The following ADAMTSL1 variants were observed in gnomAD, a reference collection of about 807,000 sequenced individuals.
ADAMTSL1 encodes ADAMTS like 1.
In ADAMTSL1, 126 loss-of-function variants were observed where a neutral mutation model predicts 201.8. The ratio of observed to expected loss-of-function variants is 0.62; its 90% CI spans 0.54 to 0.72. The LOEUF (loss-of-function observed/expected upper bound fraction) is 0.72, where lower values mean the gene tolerates loss of function less well. Among genes scored for constraint, ADAMTSL1 ranks in the 30% least tolerant of loss-of-function variants. The pLI is 0.00. For missense variants in ADAMTSL1, 2,679 were observed against 2,277.8 expected (o/e 1.18, Z -3.59); for synonymous variants, 1,121 against 903.4 (o/e 1.24, Z -4.32).
Position 18,464,150 on chromosome 9 carries a change from T to G in ADAMTSL1, c.208-40679T>G, listed in dbSNP as rs143677921. On this transcript the variant is annotated intron_variant, in intron 2 of 29. Transcript: ENST00000680146. ...CTCTTCCCCAGCCTTCTTGAGACTA[T>G]GTAGTGTATAATAAGCATGCCCTCA... 1.8e-3 allele frequency among the ~76,000 whole-genome samples: 274 copies of G among 152,346 alleles called. 3 individuals are homozygous for G. The highest frequency in any genetic ancestry group is 6.3e-3 in the African/African-American group (262 of 41,584).
At chr9:18,847,355 C>T (rs1375860661) in intron 23 of ADAMTSL1, among the ~76,000 whole-genome samples, 1 of 152,180 alleles carries the variant, frequency 6.6e-6, no homozygotes, top group Non-Finnish European at 1.5e-5. Flanking sequence ...TACTGAGTTC[C>T]TTCCATGTTT....
chr9:18,245,195 C>G (rs1000658845), intron 2 of ADAMTSL1, among the ~76,000 whole-genome samples: 3 of 151,870 alleles, frequency 2.0e-5, no homozygotes, highest in African/African-American at 7.3e-5. Context: ...CAGCGCTGTC[C>G]AATGGAAATA....
intron 2 of ADAMTSL1, among the ~76,000 whole-genome samples, chr9:18,351,910 G>T (rs967286250): frequency 6.6e-6 from 1 of 152,082 alleles, no homozygotes; most frequent in African/African-American, 2.4e-5. Context: ...TTGGTAGTTA[G>T]GGGGTATAGA....
intron 2 of ADAMTSL1, among the ~76,000 whole-genome samples, chr9:18,317,909 A>G (rs1162304279): frequency 6.6e-6 from 1 of 152,178 alleles, no homozygotes; most frequent in Non-Finnish European, 1.5e-5. Flanking sequence ...CCAGCTCTTT[A>G]AGAAGTAAGC....
At chr9:18,652,245 A>G (rs971534104) in intron 7 of ADAMTSL1, among the ~76,000 whole-genome samples, 11 of 151,768 alleles carry the variant, frequency 7.2e-5, no homozygotes, top group Admixed American at 2.0e-4. Context: ...GGTGGCAGGC[A>G]TCTGTGATCC....
rs567159018 is a variant in ADAMTSL1 at position 18,829,925 on chromosome 9, G to A, written c.4197G>A (p.Thr1399=). ...ATGPNLPSVL[T]SPLGTQLVLD... is the part of the protein sequence containing the mutation. ...GACCGAACCTTCCTTCAGTGCTGAC[G>A]TCTCCTCTGGGAACACAGCTGGTCC... is the stretch of plus-strand genomic sequence containing the variant. Residue 1399 remains threonine, a synonymous_variant, in exon 23 of 29, where the codon ACG becomes ACA. Coordinates refer to ENST00000380548, the MANE Select transcript of ADAMTSL1 (RefSeq NM_001040272.6). 83 of 1,613,818 alleles carry A rather than the reference G, an allele frequency of 5.1e-5. No individual in the cohort carries two copies. The highest frequency in any genetic ancestry group is 6.6e-5 in the Non-Finnish European group (78 of 1,179,848).
intron 1 of ADAMTSL1, among the ~76,000 whole-genome samples, chr9:17,914,607 G>C (rs1463134061): frequency 2.0e-5 from 3 of 151,208 alleles, no homozygotes; most frequent in South Asian, 4.2e-4. Flanking sequence ...TTTGAAAACT[G>C]GCACAAGACA....
rs60526262 is a variant in ADAMTSL1 at position 18,884,490 on chromosome 9, C to T, written c.4250-3341C>T. Among the ~76,000 whole-genome samples, 1,062 of 152,056 alleles carry T rather than the reference C, an allele frequency of 7.0e-3. 10 individuals carry two copies. The highest frequency in any genetic ancestry group is 0.024 in the African/African-American group (1,010 of 41,478). On this transcript the variant is annotated intron_variant, in intron 23 of 28. Transcript: ENST00000380548. ...TCATATCTAAGAAATCATTGCCAAA[C>T]CCAATGTCATTAAAGTTTTCCCCTG...
chr9:18,437,230 C>T (rs1819777999), intron 2 of ADAMTSL1, among the ~76,000 whole-genome samples: 1 of 152,188 alleles, frequency 6.6e-6, no homozygotes, highest in Non-Finnish European at 1.5e-5. Flanking sequence ...GCAGCAACAG[C>T]ATCCACCTAC....
At chr9:17,940,906 G>C (rs1268704705) in intron 1 of ADAMTSL1, among the ~76,000 whole-genome samples, 1 of 147,242 alleles carries the variant, frequency 6.8e-6, no homozygotes, top group Non-Finnish European at 1.5e-5. Context: ...AATTCTTAAG[G>C]ACTGTATTGT....
At chr9:18,326,032 A>G (rs1032424460) in intron 2 of ADAMTSL1, among the ~76,000 whole-genome samples, 1 of 152,092 alleles carries the variant, frequency 6.6e-6, no homozygotes, top group African/African-American at 2.4e-5. Flanking sequence ...GTGAGCCACC[A>G]TGCCCGGCCT....
At chr9:18,696,203 C>A (rs1474336826) in intron 13 of ADAMTSL1, among the ~76,000 whole-genome samples, 2 of 152,186 alleles carry the variant, frequency 1.3e-5, no homozygotes. Flanking sequence ...TATCAGCCAG[C>A]AAAGCCCTCT....
chr9:18,622,468 C>A, intron 5 of ADAMTSL1, 99 bp downstream of exon 5: 2 of 1,534,862 alleles, frequency 1.3e-6, no homozygotes, highest in Non-Finnish European at 1.8e-6. Context: ...ACACCTCCAC[C>A]AAAACGATAA....
intron 2 of ADAMTSL1, among the ~76,000 whole-genome samples, chr9:18,364,121 G>A (rs1420493655): frequency 6.6e-6 from 1 of 152,128 alleles, no homozygotes; most frequent in Non-Finnish European, 1.5e-5. Flanking sequence ...CCACTGCCAA[G>A]CCCTGCTAGC....
In ADAMTSL1 at chr9:18,887,044, T is replaced by C. The variant is rs115689070; in HGVS notation, c.4250-787T>C. On this transcript the variant is annotated intron_variant, in intron 23 of 28. Transcript: ENST00000380548. ...AATCTATAGATTCTTTAATTTTCAA[T>C]GACTTACTGCATTTTACACTTCCAA... Among the ~76,000 whole-genome samples, 1,134 of 152,310 alleles carry C rather than the reference T, an allele frequency of 7.4e-3. 22 individuals are homozygous for C. The highest frequency in any genetic ancestry group is 0.026 in the African/African-American group (1,073 of 41,558).
At chr9:18,265,275 G>C (rs567520040) in intron 2 of ADAMTSL1, among the ~76,000 whole-genome samples, 7 of 152,084 alleles carry the variant, frequency 4.6e-5, no homozygotes, top group African/African-American at 1.7e-4. Flanking sequence ...TTCTGCCAGA[G>C]CTCTGCATGT....
chr9:18,240,022 C>G lies in ADAMTSL1; in HGVS notation c.207+76041C>G, dbSNP rs139236831. On this transcript the variant is annotated intron_variant, in intron 2 of 29. Coordinates refer to the ADAMTSL1 transcript ENST00000680146. ...GTTGGCATCAACTTCTTCCAAACTA[C>G]TATTGTTGATATTTTGACTGCCTCC... 2.0e-3 allele frequency among the ~76,000 whole-genome samples: 299 copies of G among 152,270 alleles called. 2 individuals are homozygous for G. Among genetic ancestry groups the G allele is most frequent in the African/African-American group, 6.9e-3 (286 of 41,554 alleles).
intron 3 of ADAMTSL1, among the ~76,000 whole-genome samples, chr9:18,548,221 G>A (rs1820591412): frequency 6.6e-6 from 1 of 152,032 alleles, no homozygotes; most frequent in South Asian, 2.1e-4. Context: ...GTCGCTGAAT[G>A]AACATGTTCC....
At chr9:18,271,759 C>T (rs1186297657) in intron 2 of ADAMTSL1, among the ~76,000 whole-genome samples, 1 of 152,180 alleles carries the variant, frequency 6.6e-6, no homozygotes, top group Non-Finnish European at 1.5e-5. Flanking sequence ...ACACTGTCTT[C>T]CACAATGGTT....
Sources: gnomAD v4.1 joint callset for allele counts (sites outside exome capture counted in the v4.1 genomes callset) on GRCh38, gnomAD v4.1.1 for gene constraint, MANE v1.5 for transcripts, NCBI Gene and HGNC (gene_info 2026-07-23, HGNC 2026-07-21) for gene names.